Variants in ZNF100 observed in about 807,000 individuals in gnomAD.
ZNF100 encodes the protein zinc finger protein 100 (Y1).
A neutral mutation model predicts 15.8 loss-of-function variants in ZNF100; 12 were observed. The observed-to-expected ratio is 0.76, with a 90% CI of 0.49 to 1.23. The LOEUF (loss-of-function observed/expected upper bound fraction) is 1.23, where lower values mean the gene tolerates loss of function less well. ZNF100 is among the 50% of genes most tolerant of loss of function. The pLI, the probability that ZNF100 is intolerant of heterozygous loss-of-function variation, is 0.00. For missense variants in ZNF100, 670 were observed against 635.6 expected, an observed-to-expected ratio of 1.05 and a Z score of -0.58; for synonymous variants, 226 against 214.8, an observed-to-expected ratio of 1.05 and a Z score of -0.45.
chr19:21,758,795 G>A (rs1243466291), intron 2 of ZNF100, among the ~76,000 whole-genome samples: 3 of 152,112 alleles, frequency 2.0e-5, no homozygotes, highest in Non-Finnish European at 4.4e-5. Flanking sequence ...GTGGAACAAG[G>A]GGGTCTGTCA....
At chr19:21,732,662 AAATT>A (rs1171150197) in intron 4 of ZNF100, among the ~76,000 whole-genome samples, 1 of 150,260 alleles carries the variant, frequency 6.7e-6, no homozygotes, top group Admixed American at 6.7e-5. Context: ...ATATAACACA[AAATT>A]AAAATATGGA....
chr19:21,726,606 C>T lies in ZNF100; in HGVS notation c.*77G>A. On this transcript the variant is annotated 3_prime_UTR_variant, in exon 5 of 5. Coordinates refer to ENST00000358296, the MANE Select transcript of ZNF100 (RefSeq NM_173531.4). ...AAGGCTTTGCCATATTCTTCACAGTCACAGGAGTTCCCTCCAGTATGAATT... is the reference window on the plus strand; with the variant it reads ...AAGGCTTTGCCATATTCTTCACAGTTACAGGAGTTCCCTCCAGTATGAATT... The T allele has an allele frequency of 7.8e-7, 1 of 1,283,964 alleles. No individual in the cohort carries two copies. Among genetic ancestry groups the T allele is most frequent in the Non-Finnish European group, 1.1e-6 (1 of 924,616 alleles). 79.5% of individuals were successfully genotyped at this position (1,283,964 alleles called of 1,614,324 possible).
chr19:21,734,839 A>T (rs2145698141), intron 4 of ZNF100, among the ~76,000 whole-genome samples: 1 of 152,318 alleles, frequency 6.6e-6, no homozygotes, highest in African/African-American at 2.4e-5. Context: ...AGGGAAGCCC[A>T]TCAGAGTAAA....
At chr19:21,752,039 A>G (rs1203718025) in intron 2 of ZNF100, 2 of 282,578 alleles carry the variant, frequency 7.1e-6, no homozygotes, top group Non-Finnish European at 1.3e-5. Flanking sequence ...AAGATCTCAA[A>G]TTCAAGAGAC....
chr19:21,746,400 T>C (rs753839346), intron 2 of ZNF100, among the ~76,000 whole-genome samples: 2 of 152,012 alleles, frequency 1.3e-5, no homozygotes, highest in Non-Finnish European at 2.9e-5. Context: ...AATGCCATCC[T>C]ATTTAAGTAA....
At chr19:21,735,126 A>C (rs980713761) in intron 4 of ZNF100, among the ~76,000 whole-genome samples, 1 of 152,170 alleles carries the variant, frequency 6.6e-6, no homozygotes, top group African/African-American at 2.4e-5. Context: ...ATGACACTAC[A>C]AAACAACTAC....
intron 4 of ZNF100, among the ~76,000 whole-genome samples, chr19:21,729,326 T>C (rs1295582001): frequency 1.3e-5 from 2 of 150,940 alleles, no homozygotes; most frequent in African/African-American, 4.9e-5. Flanking sequence ...ATATTGGAAC[T>C]CCATAAACCC....
chr19:21,726,992 C>G lies in ZNF100; in HGVS notation c.1320G>C (p.Glu440Asp), dbSNP rs1489553058. 1 of 1,612,446 alleles carries G rather than the reference C, an allele frequency of 6.2e-7. No individual in the cohort carries two copies. The change falls in exon 5 of 5, where the codon GAG becomes GAC. Residue 440 changes from glutamate (E) to aspartate (D), a missense_variant. Glu to Asp is a conservative substitution (Grantham distance 45). Coordinates refer to ENST00000358296, the MANE Select transcript of ZNF100 (RefSeq NM_173531.4). ...TCTTATGGGTAGTAAGGTTTGAGGACTCATTAAAAGCTTTGCCACATTCTT... is the reference window on the plus strand; with the variant it reads ...TCTTATGGGTAGTAAGGTTTGAGGAGTCATTAAAAGCTTTGCCACATTCTT... ...KCEECGKAFN[E>D]SSNLTTHKMI...
rs2044236834 is a variant in ZNF100, at chr19:21,723,135, T to C, written c.*3548A>G. ...GGGAGGCTGAGGCAGGTGGATCATATGAGGTCAGGAGTTTGAAACCAGCCT... is the reference window on the plus strand; with the variant it reads ...GGGAGGCTGAGGCAGGTGGATCATACGAGGTCAGGAGTTTGAAACCAGCCT... On this transcript the variant is annotated 3_prime_UTR_variant, in exon 5 of 5. Transcript: ENST00000358296. 1.3e-5 allele frequency: 2 copies of C among 151,830 alleles called. No individual in the cohort carries two copies. The highest frequency in any genetic ancestry group is 2.9e-5 in the Non-Finnish European group (2 of 68,004). The allele number at this position is 151,830 out of a possible 1,614,324, so 9.4% of individuals were successfully genotyped here.
chr19:21,741,291 T>C (rs577339276), intron 4 of ZNF100, among the ~76,000 whole-genome samples: 4 of 152,210 alleles, frequency 2.6e-5, no homozygotes, highest in Non-Finnish European at 4.4e-5. Context: ...GGGTATTTAG[T>C]TTTAATTTCA....
chr19:21,739,355 A>G (rs567087465), intron 4 of ZNF100, among the ~76,000 whole-genome samples: 37 of 152,334 alleles, frequency 2.4e-4, no homozygotes, highest in African/African-American at 8.7e-4. Context: ...CACAAGTATA[A>G]GACCAGTGTC....
At chr19:21,763,077 GT>G (rs2036506513) in intron 2 of ZNF100, among the ~76,000 whole-genome samples, 1 of 152,134 alleles carries the variant, frequency 6.6e-6, no homozygotes, top group Admixed American at 6.5e-5. Flanking sequence ...TCCACCCCTT[GT>G]TTAGCAAATA....
Position 21,725,751 on chromosome 19 carries a change from T to C in ZNF100, c.*932A>G, listed in dbSNP as rs2035769358. ...AAAAATTTCTACTTTTAAAGTTATA[T>C]ACAAATATTTTACCAATTTTAGTTT... On this transcript the variant is annotated 3_prime_UTR_variant, in exon 5 of 5. Transcript: ENST00000358296. 1 of 152,212 alleles carries C rather than the reference T, an allele frequency of 6.6e-6. No individual in the cohort carries two copies. The highest frequency in any genetic ancestry group is 1.5e-5 in the Non-Finnish European group (1 of 67,998). The allele number at this position is 152,212 out of a possible 1,614,324, so 9.4% of individuals were successfully genotyped here. A position where few individuals can be genotyped will look rare whatever the true frequency, so the allele number is the denominator to read the frequency against.
intron 4 of ZNF100, among the ~76,000 whole-genome samples, chr19:21,732,476 G>C (rs1000069280): frequency 1.3e-5 from 2 of 152,024 alleles, no homozygotes; most frequent in African/African-American, 4.8e-5. Flanking sequence ...GTAGACATAT[G>C]GCTGATTTAT....
chr19:21,757,320 TC>T (rs2036406938), intron 2 of ZNF100, among the ~76,000 whole-genome samples: 1 of 152,152 alleles, frequency 6.6e-6, no homozygotes, highest in African/African-American at 2.4e-5. Context: ...TGTCTGTAGT[TC>T]CAGCTACTCA....
At chr19:21,732,128 G>A (rs958416198) in intron 4 of ZNF100, among the ~76,000 whole-genome samples, 2 of 151,336 alleles carry the variant, frequency 1.3e-5, no homozygotes, top group Non-Finnish European at 1.5e-5. Flanking sequence ...CCAAGATCCC[G>A]CCACTACACC....
intron 4 of ZNF100, among the ~76,000 whole-genome samples, chr19:21,731,465 T>A (rs961733376): frequency 1.4e-4 from 22 of 151,950 alleles, no homozygotes; most frequent in African/African-American, 5.3e-4. Flanking sequence ...TGTGCCACCA[T>A]GCCTGGCTAA....
intron 4 of ZNF100, among the ~76,000 whole-genome samples, chr19:21,738,269 A>C (rs2036045400): frequency 6.9e-6 from 1 of 144,234 alleles, no homozygotes; most frequent in South Asian, 2.1e-4. Flanking sequence ...AAAAAAAAAA[A>C]AAAAAAAAAA....
chr19:21,748,456 T>TTAGG (rs2036248894), intron 2 of ZNF100, among the ~76,000 whole-genome samples: 1 of 152,198 alleles, frequency 6.6e-6, no homozygotes, highest in African/African-American at 2.4e-5. Context: ...AAGAAAAACT[T>TTAGG]AAATCCTAGA....
Sources: allele counts gnomAD v4.1 joint callset (sites outside exome capture counted in the v4.1 genomes callset), GRCh38; gene constraint gnomAD v4.1.1; transcripts MANE v1.5; gene names NCBI Gene and HGNC (gene_info 2026-07-23, HGNC 2026-07-21).